The following BBS9 variants were observed in gnomAD, a reference collection of about 807,000 sequenced individuals.
BBS9 encodes protein PTHB1.
BBS9 carries 89 observed loss-of-function variants against 117.7 expected under a neutral mutation model. The ratio of observed to expected loss-of-function variants is 0.76; its 90% confidence interval spans 0.64 to 0.90. BBS9 has a LOEUF of 0.90. Ranked by LOEUF, BBS9 falls within the 40% of genes least tolerant of loss-of-function variation. The probability of loss-of-function intolerance (pLI) is 0.00; values close to 1 mark genes in which losing one functional copy is unlikely to be tolerated. For synonymous variants in BBS9, 379 were observed against 370.9 expected (o/e 1.02, Z -0.25); for missense variants, 982 against 1,042.2 (o/e 0.94, Z 0.80).
At chr7:33,400,445 A>G (rs1291480637) in intron 19 of BBS9, among the ~76,000 whole-genome samples, 1 of 152,120 alleles carries the variant, frequency 6.6e-6, no homozygotes, top group Non-Finnish European at 1.5e-5. Context: ...CCCATCTGGC[A>G]CAATTATTCT....
intron 19 of BBS9, among the ~76,000 whole-genome samples, chr7:33,442,679 G>A (rs1836386166): frequency 6.6e-6 from 1 of 152,170 alleles, no homozygotes; most frequent in Non-Finnish European, 1.5e-5. Flanking sequence ...CAGTGATGAT[G>A]GGAAGCTCCA....
intron 9 of BBS9, among the ~76,000 whole-genome samples, chr7:33,299,190 A>T (rs1031585804): frequency 6.6e-6 from 1 of 152,162 alleles, no homozygotes; most frequent in Non-Finnish European, 1.5e-5. Context: ...GCATACTAAG[A>T]CTTTCAGTCA....
At chr7:33,628,140 G>A (rs2129227204) in intron 21 of BBS9, among the ~76,000 whole-genome samples, 1 of 152,264 alleles carries the variant, frequency 6.6e-6, no homozygotes, top group Admixed American at 6.5e-5. Context: ...AAACACGTCA[G>A]AGGAAACATT....
intron 6 of BBS9, 49 bp downstream of exon 6, chr7:33,257,459 G>GGTGCGTTTT (rs757919906): frequency 6.4e-7 from 1 of 1,566,880 alleles, no homozygotes; most frequent in Non-Finnish European, 8.8e-7. Flanking sequence ...TGGTGCGTTT[G>GGTGCGTTTT]TTGCTGACTA....
intron 5 of BBS9, among the ~76,000 whole-genome samples, chr7:33,194,159 A>C (rs992637494): frequency 1.3e-5 from 2 of 152,234 alleles, no homozygotes; most frequent in African/African-American, 4.8e-5. Context: ...GGAATGTGGT[A>C]AAGGTAGAAC....
intron 21 of BBS9, among the ~76,000 whole-genome samples, chr7:33,613,502 TAA>T (rs1864981095): frequency 6.6e-6 from 1 of 151,934 alleles, no homozygotes; most frequent in African/African-American, 2.4e-5. Context: ...ATTGCTTGGA[TAA>T]GAGTTGGAAG....
At chr7:33,295,625 A>C (rs1805101201) in intron 9 of BBS9, among the ~76,000 whole-genome samples, 1 of 152,034 alleles carries the variant, frequency 6.6e-6, no homozygotes, top group Non-Finnish European at 1.5e-5. Context: ...GAATAAAGCA[A>C]CTTTCCAATT....
At chr7:33,356,633 T>C (rs758847541) in intron 15 of BBS9, among the ~76,000 whole-genome samples, 14 of 151,900 alleles carry the variant, frequency 9.2e-5, no homozygotes, top group Non-Finnish European at 1.9e-4. Flanking sequence ...CATATATCAA[T>C]ATGCTTGCCA....
At chr7:33,341,194 T>A (rs906763441) in intron 11 of BBS9, among the ~76,000 whole-genome samples, 4 of 152,176 alleles carry the variant, frequency 2.6e-5, no homozygotes, top group African/African-American at 7.2e-5. Context: ...GAAGTGGGGT[T>A]GTAGGGGAAG....
chr7:33,143,033 G>A (rs1036779192), intron 1 of BBS9, among the ~76,000 whole-genome samples: 6 of 151,960 alleles, frequency 3.9e-5, no homozygotes, highest in South Asian at 4.2e-4. Flanking sequence ...GCAGTGGCGC[G>A]ATCTCGGCTC....
intron 5 of BBS9, among the ~76,000 whole-genome samples, chr7:33,196,664 G>A (rs1784996765): frequency 6.6e-6 from 1 of 152,138 alleles, no homozygotes; most frequent in Non-Finnish European, 1.5e-5. Context: ...CCTTGCCTAG[G>A]CATTAAAGTG....
intron 5 of BBS9, among the ~76,000 whole-genome samples, chr7:33,190,885 C>T (rs1336612604): frequency 6.6e-6 from 1 of 152,138 alleles, no homozygotes; most frequent in African/African-American, 2.4e-5. Context: ...AGAGGAATAT[C>T]AGTGAATAAT....
chr7:33,367,930 T>TCA, intron 17 of BBS9, 68 bp downstream of exon 17: 1 of 1,220,932 alleles, frequency 8.2e-7, no homozygotes, highest in Admixed American at 1.7e-5. Context: ...CAGAGGATAC[T>TCA]CACATCAATA....
At chr7:33,218,029 T>A (rs16879114) in intron 5 of BBS9, among the ~76,000 whole-genome samples, 17,178 of 152,240 alleles carry the variant, frequency 0.11, 1,141 homozygotes, top group African/African-American at 0.18. Context: ...CTATTTGTAG[T>A]AGGTTTAAAA....
intron 11 of BBS9, among the ~76,000 whole-genome samples, chr7:33,343,046 T>C (rs944183525): frequency 6.6e-6 from 1 of 152,222 alleles, no homozygotes. Context: ...AGTTTAAATA[T>C]GGTTTCCTGT....
intron 10 of BBS9, among the ~76,000 whole-genome samples, chr7:33,339,664 A>C (rs1816108936): frequency 1.3e-5 from 2 of 152,258 alleles, no homozygotes; most frequent in Non-Finnish European, 2.9e-5. Flanking sequence ...TCCAGGGAAG[A>C]ATCATCAGGC....
rs1838735716 is a variant in BBS9 at position 33,456,945 on chromosome 7, GTTAATTAAGTGGGATGAGGA to G, written c.2116-48503_2116-48484del. On this transcript the variant is annotated intron_variant, in intron 19 of 22. Coordinates refer to ENST00000242067, the MANE Select transcript of BBS9 (RefSeq NM_198428.3). ...ATCTGTAGAACAAATGAGTAGCACT[GTTAATTAAGTGGGATGAGGA>G]TTAATTAAGTGGGACAAGGAGTAAG... Among the ~76,000 whole-genome samples the G allele has an allele frequency of 2.6e-5, 4 of 152,204 alleles. No homozygotes were observed. The South Asian group carries it at 8.3e-4, about 32-fold the overall frequency.
intron 21 of BBS9, among the ~76,000 whole-genome samples, chr7:33,552,326 C>T (rs1445910358): frequency 6.6e-6 from 1 of 152,128 alleles, no homozygotes; most frequent in Non-Finnish European, 1.5e-5. Flanking sequence ...AATTGAATCA[C>T]TTACGTGAAC....
intron 19 of BBS9, among the ~76,000 whole-genome samples, chr7:33,402,099 A>G (rs935909727): frequency 2.6e-5 from 4 of 152,160 alleles, no homozygotes; most frequent in African/African-American, 9.7e-5. Flanking sequence ...TTATGGTCAA[A>G]TGTGTCAACA....
Sources: gnomAD v4.1 joint callset for allele counts (sites outside exome capture counted in the v4.1 genomes callset) on GRCh38, gnomAD v4.1.1 for gene constraint, MANE v1.5 for transcripts, NCBI Gene and HGNC (gene_info 2026-07-23, HGNC 2026-07-21) for gene names.